The following TMEM131 variants were observed in gnomAD, a reference collection of about 807,000 sequenced individuals.
TMEM131 encodes the protein transmembrane protein 131, also known as 2610524E03Rik.
TMEM131 carries 66 observed loss-of-function variants against 211.6 expected under a neutral mutation model. That is an observed-to-expected ratio of 0.31 (90% CI 0.26 to 0.38). TMEM131 has a LOEUF of 0.38. TMEM131 is among the 10% of genes least tolerant of loss of function. The pLI is 1.00. For synonymous variants in TMEM131, 844 were observed against 841.3 expected (o/e 1.00, Z -0.06); for missense variants, 2,036 against 2,299.3 (o/e 0.89, Z 2.34).
chr2:97,917,097 G>C (rs1483262474), intron 2 of TMEM131, among the ~76,000 whole-genome samples: 1 of 152,064 alleles, frequency 6.6e-6, no homozygotes, highest in Non-Finnish European at 1.5e-5. Flanking sequence ...CCATTTCCAA[G>C]ACAATTTAGA....
intron 2 of TMEM131, among the ~76,000 whole-genome samples, chr2:97,915,532 A>T (rs1479772847): frequency 1.3e-5 from 2 of 152,108 alleles, no homozygotes; most frequent in Non-Finnish European, 2.9e-5. Flanking sequence ...ACTAGAGACA[A>T]GGTCTCACTA....
At chr2:97,954,022 C>A (rs558110107) in intron 1 of TMEM131, among the ~76,000 whole-genome samples, 169 of 152,046 alleles carry the variant, frequency 1.1e-3, no homozygotes, top group South Asian at 2.5e-3. Flanking sequence ...CAGTTCTGAC[C>A]GAAACACTTA....
intron 1 of TMEM131, among the ~76,000 whole-genome samples, chr2:97,975,547 GA>G (rs1272780042): frequency 1.3e-5 from 2 of 151,960 alleles, no homozygotes; most frequent in African/African-American, 2.4e-5. Context: ...TTCTTTGAAA[GA>G]TATTAATTAC....
At chr2:97,820,793 T>C (rs1312758830) in intron 11 of TMEM131, among the ~76,000 whole-genome samples, 1 of 151,454 alleles carries the variant, frequency 6.6e-6, no homozygotes. Flanking sequence ...GAGGCGGAGG[T>C]TGTAGTGAGC....
At chr2:97,986,163 T>A (rs1261922838) in intron 1 of TMEM131, among the ~76,000 whole-genome samples, 2 of 152,222 alleles carry the variant, frequency 1.3e-5, no homozygotes, top group Non-Finnish European at 2.9e-5. Context: ...TTAGTAGTAA[T>A]TGTTTTAAAA....
At chr2:97,842,968 G>A (rs1245108737) in intron 6 of TMEM131, among the ~76,000 whole-genome samples, 2 of 151,570 alleles carry the variant, frequency 1.3e-5, no homozygotes, top group South Asian at 2.1e-4. Context: ...CCATACATAA[G>A]CAGAAGACAC....
At chr2:97,817,659 G>A (rs183168932) in intron 12 of TMEM131, among the ~76,000 whole-genome samples, 1 of 152,304 alleles carries the variant, frequency 6.6e-6, no homozygotes, top group East Asian at 1.9e-4. Context: ...GAGCTCACAG[G>A]ATGAACCCTG....
In TMEM131 at chr2:97,932,271, C is replaced by A. The variant is rs1281177326; in HGVS notation, c.188-4784G>T. Reference sequence around the variant, plus strand: ...GGGCTCAATAGCAATTTTAAAACATCCTGGACTAGGTCCACATGGGTCCCT... The same window carrying A: ...GGGCTCAATAGCAATTTTAAAACATACTGGACTAGGTCCACATGGGTCCCT... On this transcript the variant is annotated intron_variant, in intron 1 of 40. Transcript: ENST00000186436. Among the ~76,000 whole-genome samples the A allele has an allele frequency of 3.9e-5, 6 of 152,254 alleles. No individual in the cohort carries two copies. The East Asian group carries it at 9.6e-4, about 24-fold the overall frequency.
intron 1 of TMEM131, among the ~76,000 whole-genome samples, chr2:97,960,305 T>C (rs1287203823): frequency 6.6e-6 from 1 of 152,230 alleles, no homozygotes; most frequent in Admixed American, 6.5e-5. Flanking sequence ...TCCTTGTACA[T>C]TTACTAGAAG....
intron 31 of TMEM131, among the ~76,000 whole-genome samples, chr2:97,791,403 C>T (rs1680491937): frequency 6.6e-6 from 1 of 152,236 alleles, no homozygotes; most frequent in Non-Finnish European, 1.5e-5. Context: ...CTGCTTCCTC[C>T]TTGCCCTCTT....
At chr2:97,797,278 A>G in intron 26 of TMEM131, 87 bp downstream of exon 26, 1 of 1,258,502 alleles carries the variant, frequency 7.9e-7, no homozygotes, top group Non-Finnish European at 1.1e-6. Flanking sequence ...CTATTTCATA[A>G]GTTAGACATG....
intron 25 of TMEM131, among the ~76,000 whole-genome samples, chr2:97,800,339 A>G (rs777658174): frequency 2.0e-4 from 31 of 152,158 alleles, no homozygotes; most frequent in Non-Finnish European, 3.7e-4. Context: ...TTATTTTCCT[A>G]TCTCTCACAG....
At chr2:97,935,505 T>G (rs1677404431) in intron 1 of TMEM131, among the ~76,000 whole-genome samples, 1 of 152,240 alleles carries the variant, frequency 6.6e-6, no homozygotes, top group South Asian at 2.1e-4. Context: ...AAAATGTTTT[T>G]GTAATAGTGA....
intron 5 of TMEM131, among the ~76,000 whole-genome samples, chr2:97,858,060 A>G (rs1224329658): frequency 6.6e-6 from 1 of 152,232 alleles, no homozygotes; most frequent in African/African-American, 2.4e-5. Context: ...TAAATGAAAA[A>G]GTTATGCTTT....
chr2:97,797,991 C>T (rs1004489899), intron 25 of TMEM131, among the ~76,000 whole-genome samples: 4 of 152,210 alleles, frequency 2.6e-5, no homozygotes, highest in Non-Finnish European at 4.4e-5. Context: ...CCTCCTGCCA[C>T]TGCCACGCCA....
chr2:97,780,829 T>C (rs1390215197), intron 31 of TMEM131, among the ~76,000 whole-genome samples: 2 of 152,092 alleles, frequency 1.3e-5, no homozygotes, highest in Non-Finnish European at 2.9e-5. Context: ...TAAATAAAGA[T>C]GGTACAAGCT....
At chr2:97,837,997 C>T (rs1270824038) in intron 7 of TMEM131, among the ~76,000 whole-genome samples, 1 of 152,180 alleles carries the variant, frequency 6.6e-6, no homozygotes, top group African/African-American at 2.4e-5. Context: ...ACTCTTGTGT[C>T]TGGCTTCTTT....
intron 5 of TMEM131, among the ~76,000 whole-genome samples, chr2:97,855,587 G>A (rs1379311569): frequency 6.6e-6 from 1 of 151,932 alleles, no homozygotes; most frequent in Non-Finnish European, 1.5e-5. Context: ...TGTAGTCCCA[G>A]CTACTGGGGA....
At chr2:97,982,462 G>A (rs956404444) in intron 1 of TMEM131, among the ~76,000 whole-genome samples, 4 of 151,286 alleles carry the variant, frequency 2.6e-5, no homozygotes, top group African/African-American at 9.7e-5. Context: ...CCATTCTGTG[G>A]GTTTTCTGCT....
Sources: allele counts gnomAD v4.1 joint callset (sites outside exome capture counted in the v4.1 genomes callset), GRCh38; gene constraint gnomAD v4.1.1; transcripts MANE v1.5; gene names NCBI Gene and HGNC (gene_info 2026-07-23, HGNC 2026-07-21).